Variants in PRKCA observed in about 807,000 individuals in gnomAD.
The protein encoded by PRKCA is protein kinase C alpha type.
In PRKCA, 27 loss-of-function variants were observed where a neutral mutation model predicts 87.0. The observed-to-expected ratio is 0.31, with a 90% CI of 0.23 to 0.43. The LOEUF (loss-of-function observed/expected upper bound fraction) is 0.43. Among genes scored for constraint, PRKCA ranks in the 20% least tolerant of loss-of-function variants. The pLI is 1.00. For synonymous variants in PRKCA, 329 were observed against 311.1 expected (o/e 1.06, Z -0.61); for missense variants, 518 against 852.3 (o/e 0.61, Z 4.88).
At chr17:66,588,161 A>C (rs980827369) in intron 3 of PRKCA, among the ~76,000 whole-genome samples, 1 of 152,010 alleles carries the variant, frequency 6.6e-6, no homozygotes, top group Non-Finnish European at 1.5e-5. Context: ...AAAAGATTCC[A>C]TGTGGCTGGG....
intron 5 of PRKCA, among the ~76,000 whole-genome samples, chr17:66,654,439 T>G (rs1422044038): frequency 1.4e-5 from 2 of 139,282 alleles, no homozygotes; most frequent in African/African-American, 2.6e-5. Context: ...AGCAGCAGCA[T>G]CATTACCCTT....
chr17:66,322,073 A>C (rs1189214728), intron 2 of PRKCA, among the ~76,000 whole-genome samples: 1 of 152,120 alleles, frequency 6.6e-6, no homozygotes, highest in African/African-American at 2.4e-5. Flanking sequence ...GGGTGAGGTC[A>C]GCCTTGTCAG....
chr17:66,658,173 G>T (rs906282564), intron 5 of PRKCA, among the ~76,000 whole-genome samples: 1 of 152,068 alleles, frequency 6.6e-6, no homozygotes, highest in Non-Finnish European at 1.5e-5. Context: ...AAAGGGGAAA[G>T]CCCCTTATAA....
chr17:66,568,278 C>CG (rs1968958867), intron 3 of PRKCA, among the ~76,000 whole-genome samples: 1 of 152,210 alleles, frequency 6.6e-6, no homozygotes, highest in Non-Finnish European at 1.5e-5. Flanking sequence ...GGCACCACTG[C>CG]ACTCCAGCCT....
intron 2 of PRKCA, among the ~76,000 whole-genome samples, chr17:66,422,987 T>C (rs1395973427): frequency 6.6e-6 from 1 of 152,078 alleles, no homozygotes; most frequent in Non-Finnish European, 1.5e-5. Context: ...GGCAGGCACC[T>C]GTAATCCTAG....
intron 16 of PRKCA, among the ~76,000 whole-genome samples, chr17:66,798,396 T>C (rs1431950713): frequency 1.4e-4 from 17 of 122,018 alleles, no homozygotes; most frequent in African/African-American, 6.2e-4. Flanking sequence ...GTGGTGGTGG[T>C]GGTGGTGGTG....
chr17:66,392,770 C>G (rs555218642), intron 2 of PRKCA, among the ~76,000 whole-genome samples: 9 of 152,176 alleles, frequency 5.9e-5, no homozygotes, highest in Non-Finnish European at 1.2e-4. Context: ...CTTAACAATT[C>G]TATACATCCC....
At chr17:66,502,957 C>A (rs114226716) in intron 3 of PRKCA, among the ~76,000 whole-genome samples, 1 of 152,222 alleles carries the variant, frequency 6.6e-6, no homozygotes, top group South Asian at 2.1e-4. Context: ...CCGCGCCCAG[C>A]GTGCCCCCCA....
At chr17:66,477,374 C>T (rs1482910822) in intron 2 of PRKCA, among the ~76,000 whole-genome samples, 1 of 152,136 alleles carries the variant, frequency 6.6e-6, no homozygotes, top group Non-Finnish European at 1.5e-5. Flanking sequence ...TTTAGGGTGT[C>T]ATACCTGGCT....
intron 2 of PRKCA, among the ~76,000 whole-genome samples, chr17:66,482,107 A>C (rs1459075796): frequency 2.0e-5 from 3 of 151,154 alleles, no homozygotes; most frequent in African/African-American, 7.3e-5. Context: ...TCAAAAAAAA[A>C]AAAAAAAAAA....
At chr17:66,508,223 G>T (rs938858445) in intron 3 of PRKCA, among the ~76,000 whole-genome samples, 1 of 152,154 alleles carries the variant, frequency 6.6e-6, no homozygotes, top group Non-Finnish European at 1.5e-5. Context: ...CATGGACAGT[G>T]GGAAGGTCCA....
intron 2 of PRKCA, among the ~76,000 whole-genome samples, chr17:66,318,540 G>T (rs574776647): frequency 3.7e-4 from 56 of 152,264 alleles, no homozygotes; most frequent in Admixed American, 1.0e-3. Flanking sequence ...GCTGGAGCGG[G>T]AATAGTTGGT....
At chr17:66,468,173 A>C (rs1311397226) in intron 2 of PRKCA, among the ~76,000 whole-genome samples, 1 of 152,256 alleles carries the variant, frequency 6.6e-6, no homozygotes, top group Admixed American at 6.5e-5. Flanking sequence ...TTTTGGCTTA[A>C]AGAAATGAAA....
intron 3 of PRKCA, among the ~76,000 whole-genome samples, chr17:66,528,076 A>G (rs749020627): frequency 7.2e-5 from 11 of 151,976 alleles, no homozygotes; most frequent in Non-Finnish European, 1.5e-4. Flanking sequence ...CGTGGTGGCT[A>G]CTGTAAGCCC....
At chr17:66,473,797 G>A (rs995451041) in intron 2 of PRKCA, among the ~76,000 whole-genome samples, 2 of 152,152 alleles carry the variant, frequency 1.3e-5, no homozygotes, top group Admixed American at 6.5e-5. Context: ...AGCTGGGCAT[G>A]GTGGCACATG....
chr17:66,640,413 G>T (rs981034298), intron 3 of PRKCA, among the ~76,000 whole-genome samples: 2 of 152,178 alleles, frequency 1.3e-5, no homozygotes, highest in African/African-American at 4.8e-5. Flanking sequence ...GCTCTATGTG[G>T]TATGCTAGAG....
At chr17:66,444,185 A>G (rs1047186500) in intron 2 of PRKCA, among the ~76,000 whole-genome samples, 5 of 152,190 alleles carry the variant, frequency 3.3e-5, no homozygotes, top group Admixed American at 2.6e-4. Context: ...GTTATCAGGA[A>G]TGTGTTTGCT....
chr17:66,777,174 C>G, intron 14 of PRKCA: 4 of 983,454 alleles, frequency 4.1e-6, no homozygotes, highest in Non-Finnish European at 4.8e-6. Flanking sequence ...CTGCCCTGCC[C>G]ATGTCCGAAC....
chr17:66,518,128 T>C (rs1351494854), intron 3 of PRKCA, among the ~76,000 whole-genome samples: 1 of 152,108 alleles, frequency 6.6e-6, no homozygotes, highest in East Asian at 1.9e-4. Flanking sequence ...TCGTCTTTGA[T>C]GGTCAATGAA....
Sources: allele counts gnomAD v4.1 joint callset (sites outside exome capture counted in the v4.1 genomes callset), GRCh38; gene constraint gnomAD v4.1.1; transcripts MANE v1.5; gene names NCBI Gene and HGNC (gene_info 2026-07-23, HGNC 2026-07-21).